The following PKHD1L1 variants were observed in gnomAD, a reference collection of about 807,000 sequenced individuals.
The protein encoded by PKHD1L1 is fibrocystin-L.
A neutral mutation model predicts 462.9 loss-of-function variants in PKHD1L1; 434 were observed. The ratio of observed to expected loss-of-function variants is 0.94; its 90% CI spans 0.87 to 1.02. The LOEUF is 1.02. Among genes scored for constraint, PKHD1L1 ranks in the 50% least tolerant of loss-of-function variants. The pLI is 0.00. For missense variants in PKHD1L1, 5,202 were observed against 5,096.1 expected, an observed-to-expected ratio of 1.02 and a Z score of -0.63; for synonymous variants, 1,781 against 1,750.0, an observed-to-expected ratio of 1.02 and a Z score of -0.44.
intron 2 of PKHD1L1, among the ~76,000 whole-genome samples, chr8:109,374,402 A>G (rs998875946): frequency 7.2e-5 from 11 of 152,084 alleles, no homozygotes; most frequent in East Asian, 1.9e-4. Flanking sequence ...GTCTCTGCAC[A>G]TGAGATGGGT....
intron 14 of PKHD1L1, 151 bp from the exon 15 acceptor site, chr8:109,404,403 T>C: frequency 2.2e-6 from 1 of 456,982 alleles, no homozygotes. Context: ...GTGAAAATTT[T>C]AACATTTGAA....
In PKHD1L1 at chr8:109,477,233, A is replaced by G. The variant is rs1223950180; in HGVS notation, c.8926A>G (p.Arg2976Gly). ...TSTLYYLVSG[R>G]NDLHQSQLIS... ...TTTTACTTCACTTTCAGTGTCAGGA[A>G]GAAATGACCTTCATCAGAGTCAGCT... The change falls in exon 53 of 78, where the codon AGA (arginine) becomes GGA (glycine). Residue 2976 changes from arginine (R) to glycine (G), a missense_variant. Transcript: ENST00000378402. The G allele has an allele frequency of 2.1e-5, 34 of 1,613,048 alleles. No individual in the cohort carries two copies. The highest frequency in any genetic ancestry group is 2.7e-5 in the African/African-American group (2 of 74,904).
chr8:109,497,120 G>A (rs1215893467), intron 64 of PKHD1L1, 30 bp from the exon 65 acceptor site: 1 of 1,613,110 alleles, frequency 6.2e-7, no homozygotes, highest in East Asian at 2.2e-5. Flanking sequence ...ATTGTCCTTA[G>A]TATTATGTAA....
At chr8:109,370,490 TTTTA>T (rs956390838) in intron 2 of PKHD1L1, among the ~76,000 whole-genome samples, 50 of 151,566 alleles carry the variant, frequency 3.3e-4, no homozygotes, top group Admixed American at 4.6e-4. Flanking sequence ...ATTTTATTTA[TTTTA>T]TTTTTTATTT....
chr8:109,403,706 A>G (rs934957297), intron 14 of PKHD1L1, among the ~76,000 whole-genome samples: 1 of 152,100 alleles, frequency 6.6e-6, no homozygotes, highest in African/African-American at 2.4e-5. Context: ...CCAGAACCCT[A>G]TCATTCTACA....
chr8:109,475,062 G>A (rs2130866303), intron 50 of PKHD1L1, 56 bp from the exon 51 acceptor site: 1 of 1,458,530 alleles, frequency 6.9e-7, no homozygotes, highest in Non-Finnish European at 9.1e-7. Flanking sequence ...TACAAAAGGA[G>A]GAGTTTATTA....
chr8:109,416,365 A>G (rs1814169232), intron 21 of PKHD1L1, among the ~76,000 whole-genome samples: 1 of 152,222 alleles, frequency 6.6e-6, no homozygotes, highest in African/African-American at 2.4e-5. Context: ...ACTTCAAAGA[A>G]GAGAGAGAGA....
chr8:109,412,498 A>C (rs1813909839), intron 20 of PKHD1L1, 84 bp downstream of exon 20: 1 of 1,354,138 alleles, frequency 7.4e-7, no homozygotes, highest in Non-Finnish European at 9.9e-7. Context: ...ACAAGAAAAA[A>C]TATTTGCCAT....
At chr8:109,500,319 TG>T (rs1341644092) in intron 67 of PKHD1L1, among the ~76,000 whole-genome samples, 1 of 151,642 alleles carries the variant, frequency 6.6e-6, no homozygotes, top group Non-Finnish European at 1.5e-5. Context: ...CTGTCTTCCT[TG>T]GTTAACACTT....
intron 49 of PKHD1L1, 104 bp downstream of exon 49, chr8:109,465,349 C>A (rs773444515): frequency 8.3e-7 from 1 of 1,208,852 alleles, no homozygotes; most frequent in Non-Finnish European, 1.1e-6. Context: ...CAGATCTTAC[C>A]CAATAGCAAA....
In PKHD1L1 at chr8:109,459,823, T is replaced by G; in HGVS notation, c.7233T>G (p.Asp2411Glu). ...EWNNKIPACP[D>E]GFDTGEFATQ... ...ATAACAAAATTCCTGCATGTCCTGATGGATTTGACACAGGTAATTTTAGCA... is the reference window on the plus strand; with the variant it reads ...ATAACAAAATTCCTGCATGTCCTGAGGGATTTGACACAGGTAATTTTAGCA... The change falls in exon 47 of 78, where the codon GAT (aspartate) becomes GAG (glutamate). Residue 2411 changes from aspartate (D) to glutamate (E), a missense_variant. Physicochemically the swap from Asp to Glu is conservative, Grantham distance 45. Transcript: ENST00000378402. The G allele has an allele frequency of 6.2e-7, 1 of 1,610,530 alleles. No homozygotes were observed.
intron 59 of PKHD1L1, among the ~76,000 whole-genome samples, chr8:109,489,737 C>T (rs985689112): frequency 8.6e-5 from 13 of 151,454 alleles, no homozygotes; most frequent in African/African-American, 2.4e-4. Context: ...TAAAATTTTG[C>T]GGGAGAGTGC....
chr8:109,408,007 ATTAG>A, intron 17 of PKHD1L1, 38 bp from the exon 18 acceptor site: 2 of 1,423,474 alleles, frequency 1.4e-6, no homozygotes, highest in African/African-American at 1.4e-5. Flanking sequence ...TAGGCATTTT[ATTAG>A]TTAATGTCTA....
intron 73 of PKHD1L1, among the ~76,000 whole-genome samples, chr8:109,519,531 C>T (rs974022641): frequency 6.6e-6 from 1 of 152,046 alleles, no homozygotes; most frequent in Non-Finnish European, 1.5e-5. Flanking sequence ...ATAATATCCC[C>T]CACTGCTAAC....
intron 55 of PKHD1L1, chr8:109,480,743 CATTATT>C (rs1354926856): frequency 9.4e-6 from 3 of 318,602 alleles, no homozygotes; most frequent in African/African-American, 4.4e-5. Flanking sequence ...AAGCAGTTAG[CATTATT>C]ATTATTTCTT....
intron 2 of PKHD1L1, among the ~76,000 whole-genome samples, chr8:109,376,506 C>T (rs1264863628): frequency 6.6e-6 from 1 of 152,128 alleles, no homozygotes; most frequent in East Asian, 1.9e-4. Context: ...CACCCACTGT[C>T]CTGCACCCAC....
At chr8:109,371,308 A>G (rs565992446) in intron 2 of PKHD1L1, among the ~76,000 whole-genome samples, 1 of 152,252 alleles carries the variant, frequency 6.6e-6, no homozygotes, top group South Asian at 2.1e-4. Context: ...TCTTCTTTTG[A>G]GAAGTGTCTG....
rs1322410504 is a variant in PKHD1L1 at position 109,430,040 on chromosome 8, A to T, written c.3229+3A>T. ...CTTGGCGATAAGCCCTTCTCAAGGT[A>T]ACTTCCTGATTTTTAACCTATACTG... On this transcript the variant is annotated splice_donor_region_variant and intron_variant, in intron 27 of 77. Coordinates refer to ENST00000378402, the MANE Select transcript of PKHD1L1 (RefSeq NM_177531.6). The T allele has an allele frequency of 3.1e-6, 5 of 1,594,192 alleles. No individual in the cohort carries two copies. Among genetic ancestry groups the T allele is most frequent in the Non-Finnish European group, 4.3e-6 (5 of 1,168,992 alleles).
intron 12 of PKHD1L1, among the ~76,000 whole-genome samples, chr8:109,399,355 A>G (rs1813134194): frequency 6.6e-6 from 1 of 152,164 alleles, no homozygotes; most frequent in Non-Finnish European, 1.5e-5. Flanking sequence ...ATTATTTTCC[A>G]CATACAGAAA....
Sources: allele counts gnomAD v4.1 joint callset (sites outside exome capture counted in the v4.1 genomes callset), GRCh38; gene constraint gnomAD v4.1.1; transcripts MANE v1.5; gene names NCBI Gene and HGNC (gene_info 2026-07-23, HGNC 2026-07-21).